MFSD2A: variants seen among roughly 807,000 people sequenced by gnomAD.
The protein encoded by MFSD2A is MFSD2 lysolipid transporter A, lysophospholipid.
Under a neutral mutation model 64.7 loss-of-function variants are expected in MFSD2A, and 27 were observed. The observed-to-expected ratio is 0.42, with a 90% CI of 0.31 to 0.58. The LOEUF is 0.58. MFSD2A is among the 20% of genes least tolerant of loss of function. MFSD2A has a pLI of 0.18. For synonymous variants in MFSD2A, 258 were observed against 273.4 expected (o/e 0.94, Z 0.55); for missense variants, 474 against 679.5 (o/e 0.70, Z 3.36).
At position 39,960,160 on chromosome 1, in the gene MFSD2A, G is replaced by T. The variant is rs765811758; in HGVS notation, c.353+1335G>T. ...GTGGTGCCACGGATCGGATCAGACG[G>T]CAGGGGAGACGCACAGGATAGGCTG... is the stretch of plus-strand genomic sequence containing the variant. On this transcript the variant is annotated intron_variant, in intron 3 of 13. Coordinates refer to ENST00000372811, the MANE Select transcript of MFSD2A (RefSeq NM_032793.5). This position sits in a 1 kb window ranked among gnomAD's most constrained non-coding sequence, Gnocchi z 4.8. Among the ~76,000 whole-genome samples the T allele has an allele frequency of 6.6e-6, 1 of 152,254 alleles. No homozygotes were observed. The highest frequency in any genetic ancestry group is 1.5e-5 in the Non-Finnish European group (1 of 68,040).
Position 39,963,298 on chromosome 1 carries a change from TG to T in MFSD2A, c.354-1912del. The T allele has an allele frequency of 7.4e-7, 1 of 1,352,976 alleles. No homozygotes were observed. The highest frequency in any genetic ancestry group is 1.0e-6 in the Non-Finnish European group (1 of 964,702). The allele number at this position is 1,352,976 out of a possible 1,614,324, so 83.8% of individuals were successfully genotyped here. A position where few individuals can be genotyped will look rare whatever the true frequency, so the allele number is the denominator to read the frequency against. On this transcript the variant is annotated intron_variant, in intron 3 of 13. Transcript: ENST00000372811. This position sits in a 1 kb window ranked among gnomAD's most constrained non-coding sequence, Gnocchi z 4.2. ...GCCATCTCTAAGACCTACAGCTACC[TG>T]ACCCCCGACCTCTGGAAGGAGACTG...
chr1:39,967,653 T>A lies in MFSD2A; in HGVS notation c.1037T>A (p.Ile346Asn). ...CTCTCGGCCACTTTAACCATTCCCA[T>A]CTGGCAGTGGTTCTTGACCCGGTTT... is the stretch of plus-strand genomic sequence containing the variant. ...IMLSATLTIP[I>N]WQWFLTRFGK... Residue 346 changes from isoleucine to asparagine, a missense_variant, in exon 10 of 14, where the codon ATC (isoleucine) becomes AAC (asparagine). By Grantham distance (149) the Ile-to-Asn change is moderately radical (BLOSUM62 -3). Transcript: ENST00000372811. 1 of 1,614,150 alleles carries A rather than the reference T, an allele frequency of 6.2e-7. No individual in the cohort carries two copies. Among genetic ancestry groups the A allele is most frequent in the Non-Finnish European group, 8.5e-7 (1 of 1,180,024 alleles).
At position 39,969,819 on chromosome 1, in the gene MFSD2A, G is replaced by T; in HGVS notation, c.*251G>T. ...ATATGCCAAGGACTGATCGGGCCTAGCCCGGAACACTAATGTAGAAACCTT... is the reference window on the plus strand; with the variant it reads ...ATATGCCAAGGACTGATCGGGCCTATCCCGGAACACTAATGTAGAAACCTT... On this transcript the variant is annotated 3_prime_UTR_variant, in exon 14 of 14. Transcript: ENST00000372811. 3.9e-6 allele frequency: 2 copies of T among 518,064 alleles called. No individual in the cohort carries two copies. Among genetic ancestry groups the T allele is most frequent in the East Asian group, 3.5e-5 (1 of 28,694 alleles). The allele number at this position is 518,064 out of a possible 1,614,324, so 32.1% of individuals were successfully genotyped here. A position where few individuals can be genotyped will look rare whatever the true frequency, so the allele number is the denominator to read the frequency against.
chr1:39,968,787 C>T lies in MFSD2A; in HGVS notation c.1529+42C>T, dbSNP rs80282592. The T allele has an allele frequency of 4.4e-6, 7 of 1,606,798 alleles. No homozygotes were observed. The highest frequency in any genetic ancestry group is 5.9e-6 in the Non-Finnish European group (7 of 1,176,542). ...CAGGATGCTGGAGGAGGGGACGTCA[C>T]TGTGTCTAAACCCTCAATTTGTGTC... On this transcript the variant is annotated intron_variant, in intron 13 of 13. Transcript: ENST00000372811. The surrounding 1 kb of genome is among the most constrained non-coding windows in gnomAD (Gnocchi z 4.4).
chr1:39,955,576 C>T lies in MFSD2A; in HGVS notation c.93+191C>T, dbSNP rs1644907995. On this transcript the variant is annotated intron_variant, in intron 1 of 13. Transcript: ENST00000372811. This position sits in a 1 kb window ranked among gnomAD's most constrained non-coding sequence, Gnocchi z 5.9. ...GGAGAAAAGCTGTGGGCGCCCTCGC[C>T]CCCCTTTGCTCACCCGCACTCCACG... 1.4e-6 allele frequency: 1 copy of T among 711,720 alleles called. No individual in the cohort carries two copies. The highest frequency in any genetic ancestry group is 2.1e-5 in the Admixed American group (1 of 48,450). 44.1% of individuals were successfully genotyped at this position (711,720 alleles called of 1,614,324 possible). A position where few individuals can be genotyped will look rare whatever the true frequency, so the allele number is the denominator to read the frequency against.
chr1:39,965,262 C>G lies in MFSD2A; in HGVS notation c.405C>G (p.Phe135Leu). The change falls in exon 4 of 14, where the codon TTC (phenylalanine) becomes TTG (leucine). Residue 135 changes from phenylalanine to leucine, a missense_variant. Physicochemically the swap from Phe to Leu is conservative, Grantham distance 22 (BLOSUM62 0). Transcript: ENST00000372811. This position sits in a 1 kb window ranked among gnomAD's most constrained non-coding sequence, Gnocchi z 5.5. Reference protein sequence around the residue: ...LAVIAYFLIWFVPDFPHGQTY... With the variant: ...LAVIAYFLIWLVPDFPHGQTY... ...TCATTGCCTACTTCCTCATCTGGTT[C>G]GTGCCCGACTTCCCACACGGCCAGA... The G allele has an allele frequency of 6.2e-7, 1 of 1,614,114 alleles. No homozygotes were observed. Among genetic ancestry groups the G allele is most frequent in the South Asian group, 1.1e-5 (1 of 91,082 alleles).
In MFSD2A at chr1:39,966,020, G is replaced by T; in HGVS notation, c.714+6G>T. 6.2e-7 allele frequency: 1 copy of T among 1,614,112 alleles called. No individual in the cohort carries two copies. The highest frequency in any genetic ancestry group is 2.2e-5 in the East Asian group (1 of 44,882). On this transcript the variant is annotated splice_donor_region_variant and intron_variant, in intron 6 of 13. Transcript: ENST00000372811. ...CCACCTCACACAGGGAAACGGTGAG[G>T]CCCTGGGCAGGGCAGGGATTTGGGG...
chr1:39,963,956 G>A lies in MFSD2A; in HGVS notation c.354-1255G>A, dbSNP rs540819797. On this transcript the variant is annotated intron_variant, in intron 3 of 13. Coordinates refer to ENST00000372811, the MANE Select transcript of MFSD2A (RefSeq NM_032793.5). This position sits in a 1 kb window ranked among gnomAD's most constrained non-coding sequence, Gnocchi z 4.2. Reference sequence around the variant, plus strand: ...TCGCCATGTTGGGCAGGCTGGTCTTGAACTCCTGACCTCAGGTGATCCACT... The same window carrying A: ...TCGCCATGTTGGGCAGGCTGGTCTTAAACTCCTGACCTCAGGTGATCCACT... Among the ~76,000 whole-genome samples the A allele has an allele frequency of 6.6e-6, 1 of 152,144 alleles. No homozygotes were observed. Among genetic ancestry groups the A allele is most frequent in the East Asian group, 1.9e-4 (1 of 5,158 alleles).
chr1:39,955,413 G>T lies in MFSD2A; in HGVS notation c.93+28G>T. 2 of 1,508,524 alleles carry T rather than the reference G, an allele frequency of 1.3e-6. No homozygotes were observed. The highest frequency in any genetic ancestry group is 1.8e-6 in the Non-Finnish European group (2 of 1,127,950). The allele number at this position is 1,508,524 out of a possible 1,614,324, so 93.4% of individuals were successfully genotyped here. ...GAGGGCCCGGCACCCCGCGTGGAGG[G>T]CGAGGGGAGGGAGGAGGCGGAAATG... On this transcript the variant is annotated intron_variant, in intron 1 of 13. Transcript: ENST00000372811. The surrounding 1 kb of genome is among the most constrained non-coding windows in gnomAD (Gnocchi z 5.9).
In MFSD2A at chr1:39,955,172, C is replaced by T. The variant is rs1157530237; in HGVS notation, c.-121C>T. 3.9e-6 allele frequency: 3 copies of T among 762,698 alleles called. No homozygotes were observed. The highest frequency in any genetic ancestry group is 5.5e-6 in the Non-Finnish European group (3 of 546,228). 47.2% of individuals were successfully genotyped at this position (762,698 alleles called of 1,614,324 possible). ...AGTGCGTTCCTCGTCTGCCAGCCGGCTTGGCTAGCGCGCGGCGGCCGTGGC... is the reference window on the plus strand; with the variant it reads ...AGTGCGTTCCTCGTCTGCCAGCCGGTTTGGCTAGCGCGCGGCGGCCGTGGC... On this transcript the variant is annotated 5_prime_UTR_variant, in exon 1 of 14. Transcript: ENST00000372811. The surrounding 1 kb of genome is among the most constrained non-coding windows in gnomAD (Gnocchi z 5.9).
Position 39,963,271 on chromosome 1 carries a change from AT to A in MFSD2A, c.354-1939del, listed in dbSNP as rs1489904400. ...GGCAGCTTTGCCAAGGGCACCTTTG[AT>A]GCCATCTCTAAGACCTACAGCTACC... On this transcript the variant is annotated intron_variant, in intron 3 of 13. Coordinates refer to ENST00000372811, the MANE Select transcript of MFSD2A (RefSeq NM_032793.5). This position sits in a 1 kb window ranked among gnomAD's most constrained non-coding sequence, Gnocchi z 4.2. The A allele has an allele frequency of 7.0e-7, 1 of 1,426,970 alleles. No homozygotes were observed. The highest frequency in any genetic ancestry group is 1.4e-5 in the African/African-American group (1 of 71,426). 88.4% of individuals were successfully genotyped at this position (1,426,970 alleles called of 1,614,324 possible).
In MFSD2A at chr1:39,969,646, G is replaced by C; in HGVS notation, c.*78G>C. 2.2e-6 allele frequency: 3 copies of C among 1,364,838 alleles called. No individual in the cohort carries two copies. Among genetic ancestry groups the C allele is most frequent in the Non-Finnish European group, 3.0e-6 (3 of 983,718 alleles). 84.5% of individuals were successfully genotyped at this position (1,364,838 alleles called of 1,614,324 possible). On this transcript the variant is annotated 3_prime_UTR_variant, in exon 14 of 14. Transcript: ENST00000372811. ...GACCTGTCTGCCGGCTTGCTGAGCA[G>C]CTGGACTGCAGGTGCTAGGAAGGGA...
chr1:39,963,414 A>G lies in MFSD2A; in HGVS notation c.354-1797A>G. ...TGTGGCTACAACATAGGGTTTTTATACAAGAGAAGTAAAGTGAATTAAGCC... is the reference window on the plus strand; with the variant it reads ...TGTGGCTACAACATAGGGTTTTTATGCAAGAGAAGTAAAGTGAATTAAGCC... On this transcript the variant is annotated intron_variant, in intron 3 of 13. Coordinates refer to ENST00000372811, the MANE Select transcript of MFSD2A (RefSeq NM_032793.5). This position sits in a 1 kb window ranked among gnomAD's most constrained non-coding sequence, Gnocchi z 4.2. 2 of 625,238 alleles carry G rather than the reference A, an allele frequency of 3.2e-6. No individual in the cohort carries two copies. Among genetic ancestry groups the G allele is most frequent in the Non-Finnish European group, 5.7e-6 (2 of 351,574 alleles). The allele number at this position is 625,238 out of a possible 1,614,324, so 38.7% of individuals were successfully genotyped here.
rs1645216273 is a variant in MFSD2A, at chr1:39,968,659, C to T, written c.1443C>T (p.Leu481=). 6.2e-7 allele frequency: 1 copy of T among 1,614,078 alleles called. No individual in the cohort carries two copies. Among genetic ancestry groups the T allele is most frequent in the African/African-American group, 1.3e-5 (1 of 74,916 alleles). Residue 481 remains leucine (L), a synonymous_variant, in exon 13 of 14, where the codon CTC becomes CTT. Coordinates refer to ENST00000372811, the MANE Select transcript of MFSD2A (RefSeq NM_032793.5). The surrounding 1 kb of genome is among the most constrained non-coding windows in gnomAD (Gnocchi z 4.4). The part of the protein sequence containing the change: ...NMLVTMAPIV[L]ILLGLLLFKM... ...TCGTGACCATGGCTCCCATAGTTCT[C>T]ATCCTGCTGGGCCTGCTGCTCTTCA...
chr1:39,956,378 A>G (rs1414283779), intron 1 of MFSD2A, among the ~76,000 whole-genome samples: 1 of 152,206 alleles, frequency 6.6e-6, no homozygotes, highest in Non-Finnish European at 1.5e-5. Context: ...AGCTCTCACC[A>G]GGAGTAGGCA....
At chr1:39,959,053 C>G (rs747042789) in intron 3 of MFSD2A, among the ~76,000 whole-genome samples, 1 of 152,140 alleles carries the variant, frequency 6.6e-6, no homozygotes, top group Non-Finnish European at 1.5e-5. Context: ...CTGGGCAGCT[C>G]AGGCCTCATT....
rs1367848082 is a variant in MFSD2A at position 39,958,515 on chromosome 1, GTTA to G, written c.229-183_229-181del. ...TTCTAAGGAGGCACCCAGTGCTACT[GTTA>G]TTGGAGAAATGCTATTGTCATTATT... On this transcript the variant is annotated intron_variant, in intron 2 of 13. Coordinates refer to ENST00000372811, the MANE Select transcript of MFSD2A (RefSeq NM_032793.5). The surrounding 1 kb of genome is among the most constrained non-coding windows in gnomAD (Gnocchi z 4.7). 1.1e-6 allele frequency: 1 copy of G among 881,364 alleles called. No homozygotes were observed. The highest frequency in any genetic ancestry group is 1.7e-5 in the African/African-American group (1 of 60,082). 54.6% of individuals were successfully genotyped at this position (881,364 alleles called of 1,614,324 possible). A position where few individuals can be genotyped will look rare whatever the true frequency, so the allele number is the denominator to read the frequency against.
Position 39,955,179 on chromosome 1 carries a change from A to G in MFSD2A, c.-114A>G, listed in dbSNP as rs1644896809. 1.1e-5 allele frequency: 9 copies of G among 798,284 alleles called. No individual in the cohort carries two copies. Among genetic ancestry groups the G allele is most frequent in the Non-Finnish European group, 1.6e-5 (9 of 579,122 alleles). The allele number at this position is 798,284 out of a possible 1,614,324, so 49.5% of individuals were successfully genotyped here. ...TCCTCGTCTGCCAGCCGGCTTGGCTAGCGCGCGGCGGCCGTGGCTAAGGCT... is the reference window on the plus strand; with the variant it reads ...TCCTCGTCTGCCAGCCGGCTTGGCTGGCGCGCGGCGGCCGTGGCTAAGGCT... On this transcript the variant is annotated 5_prime_UTR_variant, in exon 1 of 14. Transcript: ENST00000372811. The surrounding 1 kb of genome is among the most constrained non-coding windows in gnomAD (Gnocchi z 5.9).
chr1:39,960,979 A>G lies in MFSD2A; in HGVS notation c.353+2154A>G, dbSNP rs1645027729. ...GTGTGCATATGACCTCCCTGTCCAA[A>G]CTTTTTTTCCTTTTTGTGGTGAATG... On this transcript the variant is annotated intron_variant, in intron 3 of 13. Coordinates refer to ENST00000372811, the MANE Select transcript of MFSD2A (RefSeq NM_032793.5). This position sits in a 1 kb window ranked among gnomAD's most constrained non-coding sequence, Gnocchi z 4.8. Among the ~76,000 whole-genome samples, 1 of 151,968 alleles carries G rather than the reference A, an allele frequency of 6.6e-6. No homozygotes were observed. The highest frequency in any genetic ancestry group is 2.4e-5 in the African/African-American group (1 of 41,360).
Sources: gnomAD v4.1 joint callset for allele counts (sites outside exome capture counted in the v4.1 genomes callset) on GRCh38, gnomAD v4.1.1 for gene constraint, Gnocchi (gnomAD v3.1) non-coding constraint, MANE v1.5 for transcripts, NCBI Gene and HGNC (gene_info 2026-07-23, HGNC 2026-07-21) for gene names.